The following TMEM63B variants were observed in gnomAD, a reference collection of about 807,000 sequenced individuals.
The protein encoded by TMEM63B is transmembrane protein 63B.
Under a neutral mutation model 102.6 loss-of-function variants are expected in TMEM63B, and 23 were observed. The observed-to-expected ratio is 0.22, with a 90% confidence interval of 0.16 to 0.32. TMEM63B has a LOEUF of 0.32. Ranked by LOEUF, TMEM63B falls within the 10% of genes least tolerant of loss-of-function variation. TMEM63B has a pLI of 1.00. For synonymous variants in TMEM63B, 444 were observed against 437.0 expected (o/e 1.02, Z -0.20); for missense variants, 628 against 1,095.9 (o/e 0.57, Z 6.03).
chr6:44,138,730 CTGCCGG>C, intron 6 of TMEM63B: 1 of 467,782 alleles, frequency 2.1e-6, no homozygotes, highest in Non-Finnish European at 3.9e-6. Context: ...CTGTGACCCC[CTGCCGG>C]CCCCCCCGCT....
intron 1 of TMEM63B, among the ~76,000 whole-genome samples, chr6:44,128,193 G>T (rs1337285709): frequency 2.6e-5 from 4 of 152,156 alleles, no homozygotes; most frequent in Non-Finnish European, 5.9e-5. Flanking sequence ...AAGGGCTCGG[G>T]CTCGGGCAAG....
At position 44,155,006 on chromosome 6, in the gene TMEM63B, G is replaced by C. The variant is rs956575914; in HGVS notation, c.*123G>C. 1.0e-6 allele frequency: 1 copy of C among 998,406 alleles called. No homozygotes were observed. The highest frequency in any genetic ancestry group is 1.7e-5 in the African/African-American group (1 of 58,752). The allele number at this position is 998,406 out of a possible 1,614,324, so 61.8% of individuals were successfully genotyped here. On this transcript the variant is annotated 3_prime_UTR_variant, in exon 24 of 24. Coordinates refer to ENST00000323267, the MANE Select transcript of TMEM63B (RefSeq NM_018426.3). ...CCTCCCCAGCCCCTGCTTTCATTAA[G>C]GTATTTAAACTTGGGGGTTTCACTG...
In TMEM63B at chr6:44,155,199, A is replaced by AC. The variant is rs1201716706; in HGVS notation, c.*318dup. ...AGGGTTAATGAGAGCCAAGAGGAGT[A>AC]CCTGGTGCACCTGGTGCCGGTGGCT... is the stretch of plus-strand genomic sequence containing the variant. On this transcript the variant is annotated 3_prime_UTR_variant, in exon 24 of 24. Transcript: ENST00000323267. 5.5e-6 allele frequency: 1 copy of AC among 180,904 alleles called. No homozygotes were observed. Among genetic ancestry groups the AC allele is most frequent in the Non-Finnish European group, 1.1e-5 (1 of 87,522 alleles). 11.2% of individuals were successfully genotyped at this position (180,904 alleles called of 1,614,324 possible).
At chr6:44,135,117 C>G (rs201930938) in intron 3 of TMEM63B, 21 bp downstream of exon 3, 1 of 1,613,176 alleles carries the variant, frequency 6.2e-7, no homozygotes, top group African/African-American at 1.3e-5. Flanking sequence ...GGGACCCTCC[C>G]TCTAGCTCTC....
At chr6:44,146,809 G>T (rs1334164323) in intron 10 of TMEM63B, 38 bp from the exon 11 acceptor site, 84 of 1,600,416 alleles carry the variant, frequency 5.2e-5, no homozygotes, top group Non-Finnish European at 7.2e-5. Flanking sequence ...CAGGTGGGTG[G>T]GGTCCCTGCA....
rs1440340353 is a variant in TMEM63B at position 44,127,673 on chromosome 6, C to T, written c.-30C>T. On this transcript the variant is annotated 5_prime_UTR_variant, in exon 1 of 24. Coordinates refer to ENST00000323267, the MANE Select transcript of TMEM63B (RefSeq NM_018426.3). ...CTCCGAGCCGGAGCCGAGTCTGCGC[C>T]TGGGGGTGAGTACGCGACCCCTACC... 6.6e-6 allele frequency: 1 copy of T among 150,918 alleles called. No homozygotes were observed. The highest frequency in any genetic ancestry group is 1.5e-5 in the Non-Finnish European group (1 of 67,474). The allele number at this position is 150,918 out of a possible 1,614,324, so 9.3% of individuals were successfully genotyped here.
rs558739042 is a variant in TMEM63B at position 44,154,885 on chromosome 6, G to A, written c.*2G>A. ...ATAGAGAATGAGATTCACCAGTAAG[G>A]GGAGGGAGGGGCCCTGGAGGCCACA... On this transcript the variant is annotated 3_prime_UTR_variant, in exon 24 of 24. Transcript: ENST00000323267. 4 of 1,537,660 alleles carry A rather than the reference G, an allele frequency of 2.6e-6. No homozygotes were observed. In the African/African-American group the frequency reaches 5.5e-5, roughly 21 times the overall value.
At chr6:44,132,069 A>G (rs1762055083) in intron 1 of TMEM63B, among the ~76,000 whole-genome samples, 1 of 152,186 alleles carries the variant, frequency 6.6e-6, no homozygotes, top group African/African-American at 2.4e-5. Context: ...AGCTTGGAGC[A>G]GCCCTGTCAA....
intron 1 of TMEM63B, among the ~76,000 whole-genome samples, chr6:44,131,676 G>A (rs776501179): frequency 3.9e-5 from 6 of 151,960 alleles, no homozygotes; most frequent in African/African-American, 4.8e-5. Context: ...CCAAGATCGC[G>A]CCACTGCACT....
chr6:44,153,924 G>A, intron 21 of TMEM63B, 81 bp downstream of exon 21: 16 of 1,575,136 alleles, frequency 1.0e-5, no homozygotes, highest in Non-Finnish European at 1.4e-5. Flanking sequence ...GAAGCCGCAT[G>A]GCTGGGGGTG....
intron 1 of TMEM63B, among the ~76,000 whole-genome samples, chr6:44,131,092 A>AT (rs1343991212): frequency 6.6e-6 from 1 of 150,418 alleles, no homozygotes; most frequent in Non-Finnish European, 1.5e-5. Context: ...TAATTTTTGT[A>AT]TTTTTTTAGT....
chr6:44,136,541 G>C (rs532670431), intron 5 of TMEM63B, 102 bp downstream of exon 5: 26 of 832,970 alleles, frequency 3.1e-5, no homozygotes, highest in Middle Eastern at 2.3e-4. Context: ...AGGGATGCTG[G>C]TTTGGCCTCC....
intron 4 of TMEM63B, 87 bp from the exon 5 acceptor site, chr6:44,136,262 A>G: frequency 9.4e-7 from 1 of 1,061,182 alleles, no homozygotes. Context: ...TGCCTTCTGT[A>G]GCCCTGGAGC....
chr6:44,138,000 G>A (rs1162650370), intron 5 of TMEM63B, among the ~76,000 whole-genome samples: 1 of 152,102 alleles, frequency 6.6e-6, no homozygotes, highest in African/African-American at 2.4e-5. Context: ...GCACCTGGCC[G>A]GAGGTGGGGA....
At chr6:44,153,920 G>A (rs546620356) in intron 21 of TMEM63B, 77 bp downstream of exon 21, 72 of 1,576,074 alleles carry the variant, frequency 4.6e-5, no homozygotes, top group South Asian at 1.5e-4. Flanking sequence ...AGGAGAAGCC[G>A]CATGGCTGGG....
rs763079087 is a variant in TMEM63B at position 44,140,525 on chromosome 6, A to AT, written c.711+169dup. Reference sequence around the variant, plus strand: ...AAGTTACATAACCTCCCAAGCCATGATTTTCTCATCTGTAAAATGGAATAA... The same window carrying AT: ...AAGTTACATAACCTCCCAAGCCATGATTTTTCTCATCTGTAAAATGGAATAA... On this transcript the variant is annotated intron_variant, in intron 9 of 23. Coordinates refer to ENST00000323267, the MANE Select transcript of TMEM63B (RefSeq NM_018426.3). The AT allele has an allele frequency of 1.7e-5, 12 of 697,960 alleles. No individual in the cohort carries two copies. The South Asian group carries it at 1.8e-4, about 10-fold the overall frequency. 43.2% of individuals were successfully genotyped at this position (697,960 alleles called of 1,614,324 possible). A position where few individuals can be genotyped will look rare whatever the true frequency, so the allele number is the denominator to read the frequency against.
In TMEM63B at chr6:44,152,016, C is replaced by T. The variant is rs763453577; in HGVS notation, c.1836+8C>T. ...AGGCGCAACGTGAAGCGGGTACGGC[C>T]GCCTGGGGCAGCAGCGGCCCGCACA... On this transcript the variant is annotated splice_region_variant and intron_variant, in intron 19 of 23. Coordinates refer to ENST00000323267, the MANE Select transcript of TMEM63B (RefSeq NM_018426.3). This position sits in a 1 kb window ranked among gnomAD's most constrained non-coding sequence, Gnocchi z 6.4. The T allele has an allele frequency of 1.3e-6, 2 of 1,597,424 alleles. No homozygotes were observed. The highest frequency in any genetic ancestry group is 8.5e-7 in the Non-Finnish European group (1 of 1,173,102).
At position 44,138,689 on chromosome 6, in the gene TMEM63B, C is replaced by G; in HGVS notation, c.407+172C>G. On this transcript the variant is annotated intron_variant, in intron 6 of 23. Coordinates refer to ENST00000323267, the MANE Select transcript of TMEM63B (RefSeq NM_018426.3). Reference sequence around the variant, plus strand: ...TCGGGTGCCTGAGCCTCTGCTGTACCCTGAACACTCACTTGACCCCATAAT... The same window carrying G: ...TCGGGTGCCTGAGCCTCTGCTGTACGCTGAACACTCACTTGACCCCATAAT... 6.2e-6 allele frequency: 4 copies of G among 642,492 alleles called. No individual in the cohort carries two copies. The South Asian group carries it at 6.9e-5, about 11-fold the overall frequency. 39.8% of individuals were successfully genotyped at this position (642,492 alleles called of 1,614,324 possible).
upstream of TMEM63B, chr6:44,127,127 G>C (rs886378436): frequency 2.0e-5 from 3 of 149,340 alleles, no homozygotes; most frequent in African/African-American, 7.3e-5. Context: ...GAGAGCGGAA[G>C]GGAGGAGGAT....
Sources: allele counts gnomAD v4.1 joint callset (sites outside exome capture counted in the v4.1 genomes callset), GRCh38; gene constraint gnomAD v4.1.1; non-coding constraint Gnocchi (gnomAD v3.1); transcripts MANE v1.5; gene names NCBI Gene and HGNC (gene_info 2026-07-23, HGNC 2026-07-21).